Variants in AGBL4 observed in about 807,000 individuals in gnomAD.
The protein encoded by AGBL4 is cytosolic carboxypeptidase 6.
A neutral mutation model predicts 66.4 loss-of-function variants in AGBL4; 58 were observed. The observed-to-expected ratio is 0.87, with a 90% CI of 0.71 to 1.09. The LOEUF is 1.09. Ranked by LOEUF, AGBL4 falls within the 50% of genes least tolerant of loss-of-function variation. The pLI is 0.00. For synonymous variants in AGBL4, 234 were observed against 222.9 expected (o/e 1.05, Z -0.44); for missense variants, 579 against 631.0 (o/e 0.92, Z 0.88).
chr1:48,710,776 G>A (rs112300293), intron 6 of AGBL4, among the ~76,000 whole-genome samples: 195 of 152,224 alleles, frequency 1.3e-3, no homozygotes, highest in African/African-American at 4.5e-3. Context: ...ACCTAAAGAT[G>A]AGTAAGACTG....
intron 2 of AGBL4, among the ~76,000 whole-genome samples, chr1:49,797,360 T>C (rs1644755647): frequency 6.6e-6 from 1 of 152,208 alleles, no homozygotes; most frequent in Non-Finnish European, 1.5e-5. Context: ...GACAAGATTG[T>C]TACTGTGCCT....
intron 9 of AGBL4, among the ~76,000 whole-genome samples, chr1:48,624,525 G>A (rs1450631459): frequency 6.6e-6 from 1 of 152,164 alleles, no homozygotes; most frequent in African/African-American, 2.4e-5. Context: ...CCTTAACCAG[G>A]GGGTTTACCC....
chr1:49,564,303 T>G (rs1388905665), intron 3 of AGBL4, among the ~76,000 whole-genome samples: 1 of 152,228 alleles, frequency 6.6e-6, no homozygotes, highest in Non-Finnish European at 1.5e-5. Flanking sequence ...TGTCTCTATT[T>G]CCTTCAGTTC....
chr1:49,521,254 A>ATTT (rs1650239689), intron 3 of AGBL4, among the ~76,000 whole-genome samples: 4 of 152,130 alleles, frequency 2.6e-5, no homozygotes, highest in Admixed American at 2.0e-4. Flanking sequence ...CAGAATTAAA[A>ATTT]AGACTACTCT....
At chr1:49,585,516 A>G (rs1026402909) in intron 3 of AGBL4, among the ~76,000 whole-genome samples, 23 of 152,210 alleles carry the variant, frequency 1.5e-4, no homozygotes, top group African/African-American at 5.5e-4. Flanking sequence ...CCTCAATCCT[A>G]TAAAAGGTTG....
At chr1:50,014,492 A>G (rs1438736205) in intron 1 of AGBL4, among the ~76,000 whole-genome samples, 3 of 151,104 alleles carry the variant, frequency 2.0e-5, no homozygotes, top group Non-Finnish European at 2.9e-5. Context: ...TACTTTCAAG[A>G]TCAGTTTCCT....
chr1:49,565,388 C>A (rs1644168571), intron 3 of AGBL4, among the ~76,000 whole-genome samples: 6 of 152,148 alleles, frequency 3.9e-5, no homozygotes. Flanking sequence ...GATGTTGTTT[C>A]TTCCTAGCCT....
Position 48,925,812 on chromosome 1 carries a change from C to A in AGBL4, c.595-58582G>T, listed in dbSNP as rs12085333. Among the ~76,000 whole-genome samples, 291 of 152,244 alleles carry A rather than the reference C, an allele frequency of 1.9e-3. 5 individuals are homozygous for A. The highest frequency in any genetic ancestry group is 6.5e-3 in the African/African-American group (271 of 41,548). ...TATGCATATGTATGTAAAGTTTCCACCCGGTGAGATCAGCAGGCCATGAGG... is the reference window on the plus strand; with the variant it reads ...TATGCATATGTATGTAAAGTTTCCAACCGGTGAGATCAGCAGGCCATGAGG... On this transcript the variant is annotated intron_variant, in intron 5 of 13. Coordinates refer to ENST00000371839, the MANE Select transcript of AGBL4 (RefSeq NM_032785.4).
At chr1:49,618,904 G>C (rs992516421) in intron 3 of AGBL4, among the ~76,000 whole-genome samples, 1 of 152,106 alleles carries the variant, frequency 6.6e-6, no homozygotes, top group Non-Finnish European at 1.5e-5. Flanking sequence ...AAATACCTTC[G>C]ATAAAATTCA....
chr1:49,935,912 C>T (rs900315976), intron 1 of AGBL4, among the ~76,000 whole-genome samples: 2 of 152,118 alleles, frequency 1.3e-5, no homozygotes, highest in Non-Finnish European at 2.9e-5. Flanking sequence ...AAACTGGAAA[C>T]TCTAAAAAGC....
intron 6 of AGBL4, among the ~76,000 whole-genome samples, chr1:48,718,801 G>A (rs997005952): frequency 2.0e-5 from 3 of 152,108 alleles, no homozygotes; most frequent in African/African-American, 7.2e-5. Flanking sequence ...TCATAGGAAG[G>A]AAGTGACCAG....
At chr1:49,387,351 G>C (rs769114966) in intron 3 of AGBL4, among the ~76,000 whole-genome samples, 27 of 151,918 alleles carry the variant, frequency 1.8e-4, no homozygotes, top group Non-Finnish European at 3.5e-4. Context: ...TCTAAAAGAA[G>C]CTCTTGATAA....
intron 2 of AGBL4, among the ~76,000 whole-genome samples, chr1:49,739,754 T>C (rs1650261425): frequency 6.6e-6 from 1 of 152,160 alleles, no homozygotes; most frequent in Non-Finnish European, 1.5e-5. Flanking sequence ...TATTCAACAT[T>C]CTTAAAGAAA....
chr1:48,567,633 A>G (rs1404843337), intron 11 of AGBL4, among the ~76,000 whole-genome samples: 1 of 152,156 alleles, frequency 6.6e-6, no homozygotes, highest in African/African-American at 2.4e-5. Flanking sequence ...ACGAATGCAA[A>G]GGTACAACAC....
intron 3 of AGBL4, among the ~76,000 whole-genome samples, chr1:49,648,807 A>G (rs77100271): frequency 6.6e-6 from 1 of 152,028 alleles, no homozygotes; most frequent in African/African-American, 2.4e-5. Context: ...TAAAAAAAAA[A>G]GGAATCTGTA....
At chr1:49,179,931 C>T (rs929196459) in intron 4 of AGBL4, among the ~76,000 whole-genome samples, 6 of 150,346 alleles carry the variant, frequency 4.0e-5, no homozygotes, top group African/African-American at 1.2e-4. Context: ...GACGGAGTTT[C>T]GCTCTTGTTG....
chr1:49,865,855 A>C (rs1646686843), intron 1 of AGBL4: 1 of 306,868 alleles, frequency 3.3e-6, no homozygotes, highest in Non-Finnish European at 6.6e-6. Context: ...GAAGCTAAGA[A>C]CCATGACAAA....
intron 5 of AGBL4, among the ~76,000 whole-genome samples, chr1:48,947,727 A>T (rs1350672784): frequency 6.6e-6 from 1 of 152,232 alleles, no homozygotes; most frequent in East Asian, 1.9e-4. Context: ...CTCTAGTCAG[A>T]CAAGCCAGTC....
At position 48,685,326 on chromosome 1, in the gene AGBL4, G is replaced by A. The variant is rs571286671; in HGVS notation, c.635-22085C>T. ...CATGGAGCCTTAAACATCTTACAGA[G>A]ATGTTTTACTATCTCATTGTGTCAG... On this transcript the variant is annotated intron_variant, in intron 6 of 13. Coordinates refer to ENST00000371839, the MANE Select transcript of AGBL4 (RefSeq NM_032785.4). Among the ~76,000 whole-genome samples the A allele has an allele frequency of 6.6e-5, 10 of 152,318 alleles. No individual in the cohort carries two copies. The South Asian group carries it at 2.1e-3, about 32-fold the overall frequency.
Sources: allele counts gnomAD v4.1 joint callset (sites outside exome capture counted in the v4.1 genomes callset), GRCh38; gene constraint gnomAD v4.1.1; transcripts MANE v1.5; gene names NCBI Gene and HGNC (gene_info 2026-07-23, HGNC 2026-07-21).